Variants in ANKRD31 observed in about 807,000 individuals in gnomAD.
ANKRD31 encodes ankyrin repeat domain 31, also known as ankyrin repeat domain-containing protein 31.
Under a neutral mutation model 186.0 loss-of-function variants are expected in ANKRD31, and 147 were observed. The observed-to-expected ratio is 0.79, with a 90% CI of 0.69 to 0.91. The LOEUF is 0.91. ANKRD31 is among the 40% of genes least tolerant of loss of function. The pLI is 0.00. For synonymous variants in ANKRD31, 673 were observed against 736.4 expected, an observed-to-expected ratio of 0.91 and a Z score of 1.39; for missense variants, 1,986 against 2,148.8, an observed-to-expected ratio of 0.92 and a Z score of 1.50.
chr5:75,213,513 C>A (rs1756779357), intron 3 of ANKRD31, among the ~76,000 whole-genome samples: 1 of 152,120 alleles, frequency 6.6e-6, no homozygotes, highest in African/African-American at 2.4e-5. Flanking sequence ...AGAGCTAATG[C>A]CATTGAATAC....
chr5:75,196,164 G>T lies in ANKRD31; in HGVS notation c.484C>A (p.Leu162Ile). ...ACTGTAATAGCAGTGCCTGAGAGAA[G>T]GCTAACTTCAGGAGAATCTCTGCCT... is the stretch of plus-strand genomic sequence containing the variant. Reference protein sequence around the residue: ...SEGRDSPEVSLLSGTAITVSD... With the variant: ...SEGRDSPEVSILSGTAITVSD... Residue 162 changes from leucine to isoleucine, a missense_variant, in exon 7 of 26, where the codon CTT becomes ATT. Coordinates refer to ENST00000506364, the MANE Select transcript of ANKRD31 (RefSeq NM_001372053.1). The T allele has an allele frequency of 6.7e-7, 1 of 1,498,040 alleles. No homozygotes were observed. The highest frequency in any genetic ancestry group is 8.8e-7 in the Non-Finnish European group (1 of 1,132,054). 92.8% of individuals were successfully genotyped at this position (1,498,040 alleles called of 1,614,324 possible).
intron 17 of ANKRD31, among the ~76,000 whole-genome samples, chr5:75,121,494 C>T (rs193166827): frequency 5.0e-4 from 76 of 152,182 alleles, no homozygotes; most frequent in Non-Finnish European, 8.1e-4. Context: ...TATCCAACAT[C>T]GCAGAATATA....
intron 23 of ANKRD31, among the ~76,000 whole-genome samples, chr5:75,085,427 A>T (rs1745410253): frequency 6.6e-6 from 1 of 151,528 alleles, no homozygotes. Context: ...GGAGCAGCAC[A>T]CTGGCATGAT....
chr5:75,129,835 C>T (rs540370310), intron 17 of ANKRD31, among the ~76,000 whole-genome samples: 6 of 152,334 alleles, frequency 3.9e-5, no homozygotes, highest in African/African-American at 1.2e-4. Flanking sequence ...GGCAGGGCAT[C>T]ACTTTACCCA....
chr5:75,074,246 T>C (rs1744454509), intron 25 of ANKRD31, among the ~76,000 whole-genome samples: 1 of 152,190 alleles, frequency 6.6e-6, no homozygotes, highest in Non-Finnish European at 1.5e-5. Flanking sequence ...TACAGAACAG[T>C]TTCCTTTCCA....
intron 6 of ANKRD31, among the ~76,000 whole-genome samples, chr5:75,197,306 C>T (rs558619851): frequency 6.6e-6 from 1 of 152,182 alleles, no homozygotes; most frequent in Non-Finnish European, 1.5e-5. Flanking sequence ...TTTAAAGGCA[C>T]TGAAAAATTT....
intron 3 of ANKRD31, among the ~76,000 whole-genome samples, chr5:75,215,126 A>G (rs1216780647): frequency 6.6e-6 from 1 of 152,136 alleles, no homozygotes; most frequent in Non-Finnish European, 1.5e-5. Flanking sequence ...GGCCAGCAGG[A>G]AATCATCCGG....
chr5:75,068,553 T>C lies in ANKRD31; in HGVS notation c.5759A>G (p.Lys1920Arg). 1 of 1,525,150 alleles carries C rather than the reference T, an allele frequency of 6.6e-7. No individual in the cohort carries two copies. Among genetic ancestry groups the C allele is most frequent in the Non-Finnish European group, 8.8e-7 (1 of 1,142,068 alleles). 94.5% of individuals were successfully genotyped at this position (1,525,150 alleles called of 1,614,324 possible). A position where few individuals can be genotyped will look rare whatever the true frequency, so the allele number is the denominator to read the frequency against. Residue 1920 changes from lysine to arginine, a missense_variant, in exon 26 of 26, where the codon AAG becomes AGG. By Grantham distance (26) the Lys-to-Arg change is conservative. Transcript: ENST00000506364. ...TAGTTCCTCACATTCCACACAAAAC[T>C]TCCAATGCTGATCCATTATGTGGCA... The part of the protein sequence containing the change: ...LPCHIMDQHW[K>R]FCVECEELTP
At chr5:75,154,396 G>A in intron 11 of ANKRD31, 51 bp from the exon 12 acceptor site, 2 of 1,445,886 alleles carry the variant, frequency 1.4e-6, no homozygotes, top group Non-Finnish European at 1.8e-6. Flanking sequence ...GTGTATTACT[G>A]TGAATGTGTG....
chr5:75,113,387 CT>C (rs1747935591), intron 19 of ANKRD31, among the ~76,000 whole-genome samples: 1 of 152,150 alleles, frequency 6.6e-6, no homozygotes. Context: ...TGCTGATTTC[CT>C]TTTTCTCAGA....
At chr5:75,180,614 A>T (rs1049126858) in intron 10 of ANKRD31, among the ~76,000 whole-genome samples, 8 of 152,202 alleles carry the variant, frequency 5.3e-5, no homozygotes, top group African/African-American at 1.7e-4. Flanking sequence ...GACAAACCTG[A>T]CAAAAATAAG....
chr5:75,104,258 T>C lies in ANKRD31; in HGVS notation c.5301A>G (p.Pro1767=). 4.6e-6 allele frequency: 7 copies of C among 1,516,950 alleles called. No homozygotes were observed. Among genetic ancestry groups the C allele is most frequent in the Non-Finnish European group, 5.3e-6 (6 of 1,136,704 alleles). 94.0% of individuals were successfully genotyped at this position (1,516,950 alleles called of 1,614,324 possible). ...KDLILLGRIN[P]GNNILEFKTQ... ...TTTTGAATTCCAGAATGTTATTTCC[T>C]GGGTTAATTCTTCCTAGTAATATCA... The change falls in exon 22 of 26, where the codon CCA becomes CCG. Residue 1767 remains proline (P), a synonymous_variant. Transcript: ENST00000506364.
At chr5:75,128,708 G>A (rs999067984) in intron 17 of ANKRD31, among the ~76,000 whole-genome samples, 4 of 150,400 alleles carry the variant, frequency 2.7e-5, no homozygotes, top group Non-Finnish European at 5.9e-5. Flanking sequence ...TAGAGTTGGG[G>A]TTTCACTGTG....
chr5:75,210,995 CA>C (rs1405577561), intron 3 of ANKRD31, 130 bp from the exon 4 acceptor site: 1 of 608,828 alleles, frequency 1.6e-6, no homozygotes, highest in Non-Finnish European at 2.7e-6. Flanking sequence ...GTAAAATACA[CA>C]TAAAATTTAC....
intron 5 of ANKRD31, among the ~76,000 whole-genome samples, chr5:75,201,148 C>T (rs371814622): frequency 2.4e-4 from 37 of 152,228 alleles, no homozygotes; most frequent in African/African-American, 7.9e-4. Flanking sequence ...TCTTGCTGAG[C>T]TTCACATCCT....
intron 10 of ANKRD31, among the ~76,000 whole-genome samples, chr5:75,169,892 A>G (rs1290580682): frequency 2.6e-5 from 4 of 152,104 alleles, no homozygotes; most frequent in African/African-American, 9.7e-5. Flanking sequence ...AGAAACTCCT[A>G]TCCTAGTTCT....
At chr5:75,087,463 G>C (rs561752541) in intron 23 of ANKRD31, among the ~76,000 whole-genome samples, 1 of 152,080 alleles carries the variant, frequency 6.6e-6, no homozygotes, top group South Asian at 2.1e-4. Context: ...GCTGAGATCA[G>C]GCCACTGCAC....
At chr5:75,161,525 G>A (rs960763416) in intron 11 of ANKRD31, among the ~76,000 whole-genome samples, 1 of 152,172 alleles carries the variant, frequency 6.6e-6, no homozygotes, top group Admixed American at 6.5e-5. Flanking sequence ...CAATAGAAAA[G>A]AAAATCCCAT....
intron 24 of ANKRD31, among the ~76,000 whole-genome samples, chr5:75,083,752 G>T (rs1225044805): frequency 6.6e-6 from 1 of 151,980 alleles, no homozygotes; most frequent in Non-Finnish European, 1.5e-5. Flanking sequence ...AAAGTTGGGG[G>T]GGAAGCACCC....
Sources: gnomAD v4.1 joint callset for allele counts (sites outside exome capture counted in the v4.1 genomes callset) on GRCh38, gnomAD v4.1.1 for gene constraint, MANE v1.5 for transcripts, NCBI Gene and HGNC (gene_info 2026-07-23, HGNC 2026-07-21) for gene names.